The following TASP1 variants were observed in gnomAD, a reference collection of about 807,000 sequenced individuals.
TASP1 encodes the protein threonine aspartase 1.
Under a neutral mutation model 56.6 loss-of-function variants are expected in TASP1, and 16 were observed. The observed-to-expected ratio is 0.28, with a 90% confidence interval of 0.19 to 0.43. TASP1 has a LOEUF of 0.43. Ranked by LOEUF, TASP1 falls within the 20% of genes least tolerant of loss-of-function variation. TASP1 has a pLI of 1.00. For missense variants in TASP1, 393 were observed against 511.6 expected (o/e 0.77, Z 2.24); for synonymous variants, 179 against 184.2 (o/e 0.97, Z 0.23).
At chr20:13,124,854 G>A in the TASP1 span, among the ~76,000 whole-genome samples, 198 of 152,324 alleles carry the variant, frequency 1.3e-3, no homozygotes, top group African/African-American at 4.4e-3. Flanking sequence ...TAATGAAGGA[G>A]GGTGAGGAGG....
At chr20:13,431,352 G>C (rs1174319235) in intron 12 of TASP1, among the ~76,000 whole-genome samples, 14 of 152,106 alleles carry the variant, frequency 9.2e-5, no homozygotes, top group Admixed American at 2.0e-4. Flanking sequence ...GAATCCACTT[G>C]ATCTTGATGA....
chr20:13,359,258 C>T, the TASP1 span, among the ~76,000 whole-genome samples: 6 of 148,910 alleles, frequency 4.0e-5, no homozygotes, highest in Admixed American at 6.7e-5. Context: ...AATCTGGCCA[C>T]TGGGCCAAGG....
chr20:13,497,606 A>G (rs887953615), intron 10 of TASP1, among the ~76,000 whole-genome samples: 1 of 152,208 alleles, frequency 6.6e-6, no homozygotes, highest in African/African-American at 2.4e-5. Flanking sequence ...TTTGCTGAAT[A>G]GTAAGACTTG....
intron 12 of TASP1, among the ~76,000 whole-genome samples, chr20:13,434,093 T>C (rs1486231665): frequency 1.3e-5 from 2 of 151,986 alleles, no homozygotes; most frequent in East Asian, 3.9e-4. Context: ...TTGGAGGGGA[T>C]AAAGACCAGA....
At chr20:13,514,712 G>A (rs1017321784) in intron 10 of TASP1, among the ~76,000 whole-genome samples, 4 of 152,162 alleles carry the variant, frequency 2.6e-5, no homozygotes, top group Admixed American at 6.5e-5. Flanking sequence ...CTTTCTACTA[G>A]TCAGTATTTA....
chr20:13,582,183 A>G (rs1057197019), intron 5 of TASP1, among the ~76,000 whole-genome samples: 5 of 151,830 alleles, frequency 3.3e-5, no homozygotes, highest in Admixed American at 1.3e-4. Flanking sequence ...AAAACAATAT[A>G]GTTCTAGATG....
At chr20:13,164,443 C>T in the TASP1 span, 1 of 497,770 alleles carries the variant, frequency 2.0e-6, no homozygotes, top group South Asian at 1.6e-5. Flanking sequence ...TAAGTCACTA[C>T]ATTTTAAAAT....
At chr20:13,135,444 C>T in the TASP1 span, among the ~76,000 whole-genome samples, 2 of 152,094 alleles carry the variant, frequency 1.3e-5, no homozygotes, top group Admixed American at 6.6e-5. Flanking sequence ...ATGAAATTGG[C>T]ACTTTTTTGA....
the TASP1 span, among the ~76,000 whole-genome samples, chr20:13,221,216 C>CCTA: frequency 1.2e-3 from 123 of 100,308 alleles, no homozygotes; most frequent in East Asian, 9.9e-3. Flanking sequence ...CTGAAGCCCT[C>CCTA]CTACTCCTCC....
At chr20:13,552,706 T>G (rs1335369635) in intron 8 of TASP1, among the ~76,000 whole-genome samples, 1 of 152,014 alleles carries the variant, frequency 6.6e-6, no homozygotes, top group East Asian at 1.9e-4. Flanking sequence ...AGTATGAAAA[T>G]TCACCACCAC....
intron 7 of TASP1, among the ~76,000 whole-genome samples, chr20:13,561,632 G>T (rs2046347216): frequency 6.6e-6 from 1 of 152,064 alleles, no homozygotes; most frequent in Non-Finnish European, 1.5e-5. Context: ...CTCCCAAAGT[G>T]CTGGAATTAC....
intron 11 of TASP1, among the ~76,000 whole-genome samples, chr20:13,442,257 C>A (rs2043239924): frequency 6.6e-6 from 1 of 151,594 alleles, no homozygotes; most frequent in African/African-American, 2.4e-5. Context: ...AATTCCACCA[C>A]ACACACACAT....
At chr20:13,506,078 C>G (rs1287227000) in intron 10 of TASP1, among the ~76,000 whole-genome samples, 1 of 151,974 alleles carries the variant, frequency 6.6e-6, no homozygotes, top group African/African-American at 2.4e-5. Context: ...ACAACTGATA[C>G]CACAGAAATC....
the TASP1 span, among the ~76,000 whole-genome samples, chr20:13,381,463 A>C: frequency 6.6e-6 from 1 of 152,112 alleles, no homozygotes; most frequent in Admixed American, 6.5e-5. Context: ...TGCAGAAATC[A>C]CTTCCCTTCT....
the TASP1 span, among the ~76,000 whole-genome samples, chr20:13,158,534 A>G: frequency 2.6e-4 from 39 of 152,306 alleles, no homozygotes; most frequent in Non-Finnish European, 4.7e-4. Context: ...TACTCTAGCA[A>G]TAAAAGCACT....
chr20:13,380,692 A>G, the TASP1 span, among the ~76,000 whole-genome samples: 1 of 152,146 alleles, frequency 6.6e-6, no homozygotes, highest in East Asian at 1.9e-4. Context: ...CCCTTCTCCC[A>G]GGTGCTCTGT....
chr20:13,343,773 G>T, the TASP1 span, among the ~76,000 whole-genome samples: 2 of 152,168 alleles, frequency 1.3e-5, no homozygotes, highest in African/African-American at 2.4e-5. Flanking sequence ...ATTGGCTGCG[G>T]GTCTCCCAGC....
intron 4 of TASP1, among the ~76,000 whole-genome samples, chr20:13,605,728 T>G (rs1037229441): frequency 3.3e-5 from 5 of 152,094 alleles, no homozygotes; most frequent in Non-Finnish European, 5.9e-5. Context: ...ATACATAAAC[T>G]TTTTAAGCGG....
chr20:13,220,702 C>T, the TASP1 span, among the ~76,000 whole-genome samples: 1 of 152,242 alleles, frequency 6.6e-6, no homozygotes, highest in Non-Finnish European at 1.5e-5. Flanking sequence ...GCCCGGCTAG[C>T]GGGCGGCCCA....
Sources: gnomAD v4.1 joint callset for allele counts (sites outside exome capture counted in the v4.1 genomes callset) on GRCh38, gnomAD v4.1.1 for gene constraint, MANE v1.5 for transcripts, NCBI Gene and HGNC (gene_info 2026-07-23, HGNC 2026-07-21) for gene names.